VAC14: variants seen among roughly 807,000 people sequenced by gnomAD.
VAC14 encodes protein VAC14 homolog.
Under a neutral mutation model 85.3 loss-of-function variants are expected in VAC14, and 47 were observed. The ratio of observed to expected loss-of-function variants is 0.55; its 90% confidence interval spans 0.44 to 0.70. The LOEUF (loss-of-function observed/expected upper bound fraction) is 0.70, where lower values mean the gene tolerates loss of function less well. Among genes scored for constraint, VAC14 ranks in the 30% least tolerant of loss-of-function variants. VAC14 has a pLI of 0.00. For missense variants in VAC14, 861 were observed against 1,004.3 expected, an observed-to-expected ratio of 0.86 and a Z score of 1.93; for synonymous variants, 447 against 430.5, an observed-to-expected ratio of 1.04 and a Z score of -0.47.
chr16:70,764,340 C>T (rs376462903), intron 10 of VAC14, among the ~76,000 whole-genome samples: 3 of 152,294 alleles, frequency 2.0e-5, no homozygotes, highest in Non-Finnish European at 4.4e-5. Flanking sequence ...AGTCTCTGGG[C>T]GGGTGGCCAC....
At chr16:70,730,421 C>A (rs1028006073) in intron 14 of VAC14, among the ~76,000 whole-genome samples, 1 of 151,984 alleles carries the variant, frequency 6.6e-6, no homozygotes, top group Non-Finnish European at 1.5e-5. Context: ...GCTCCCCAGG[C>A]TCCTTCTTGC....
At position 70,762,098 on chromosome 16, in the gene VAC14, G is replaced by A. The variant is rs907643940; in HGVS notation, c.1371+442C>T. Among the ~76,000 whole-genome samples, 2 of 133,680 alleles carry A rather than the reference G, an allele frequency of 1.5e-5. No homozygotes were observed. Among genetic ancestry groups the A allele is most frequent in the African/African-American group, 3.7e-5 (1 of 26,790 alleles). The allele number at this position is 133,680 out of a possible 152,430, so 87.7% of individuals were successfully genotyped here. A position where few individuals can be genotyped will look rare whatever the true frequency, so the allele number is the denominator to read the frequency against. ...ACAGAAGAGTCCTCACTCCTAAAGT[G>A]AGTTTTTTTTTTTGTTTTTGTTTTT... On this transcript the variant is annotated intron_variant, in intron 12 of 18. Coordinates refer to ENST00000261776, the MANE Select transcript of VAC14 (RefSeq NM_018052.5). This position sits in a 1 kb window ranked among gnomAD's most constrained non-coding sequence, Gnocchi z 4.1.
At chr16:70,689,461 A>C in intron 18 of VAC14, 1 of 953,150 alleles carries the variant, frequency 1.0e-6, no homozygotes, top group Non-Finnish European at 1.2e-6. Flanking sequence ...CCAGAGCCTG[A>C]CAGTTGCTTC....
intron 1 of VAC14, among the ~76,000 whole-genome samples, chr16:70,792,050 C>A (rs1351104711): frequency 6.6e-6 from 1 of 152,172 alleles, no homozygotes; most frequent in Non-Finnish European, 1.5e-5. Context: ...TGGCTGCTGG[C>A]CGGGGAAAGG....
chr16:70,734,197 G>T (rs1477082056), intron 13 of VAC14, among the ~76,000 whole-genome samples: 2 of 151,936 alleles, frequency 1.3e-5, no homozygotes, highest in Admixed American at 6.6e-5. Context: ...GTAGTGCACT[G>T]AAGTGATTAC....
chr16:70,800,627 G>A (rs1274835828), intron 1 of VAC14, among the ~76,000 whole-genome samples, 170 bp downstream of exon 1: 3 of 152,242 alleles, frequency 2.0e-5, no homozygotes, highest in East Asian at 3.8e-4. Flanking sequence ...CCAGTCAGGA[G>A]TAAAGCAGGG....
At chr16:70,789,302 G>T (rs1271336764) in intron 1 of VAC14, among the ~76,000 whole-genome samples, 1 of 152,208 alleles carries the variant, frequency 6.6e-6, no homozygotes, top group African/African-American at 2.4e-5. Context: ...CTGTCACAAG[G>T]TCTGAAGGCA....
rs1438033198 is a variant in VAC14 at position 70,762,359 on chromosome 16, T to C, written c.1371+181A>G. ...CTGGCCTCAAGTGATCCACCCACCT[T>C]GGCCTCCCAGAGTGCTGGAAAAACA... On this transcript the variant is annotated intron_variant, in intron 12 of 18. Coordinates refer to ENST00000261776, the MANE Select transcript of VAC14 (RefSeq NM_018052.5). This position sits in a 1 kb window ranked among gnomAD's most constrained non-coding sequence, Gnocchi z 4.1. 6.6e-6 allele frequency among the ~76,000 whole-genome samples: 1 copy of C among 152,168 alleles called. No homozygotes were observed. The highest frequency in any genetic ancestry group is 2.4e-5 in the African/African-American group (1 of 41,446).
chr16:70,731,713 A>C, intron 13 of VAC14, 86 bp from the exon 14 acceptor site: 1 of 1,423,900 alleles, frequency 7.0e-7, no homozygotes, highest in South Asian at 1.5e-5. Flanking sequence ...AACAACTATA[A>C]ATGCCAAAAA....
intron 10 of VAC14, chr16:70,768,966 AT>A (rs60721142): frequency 0.15 from 32,526 of 213,498 alleles, 371 homozygotes; most frequent in South Asian, 0.24. Context: ...ACGCCTGGCT[AT>A]TTTTTTTTTT....
intron 10 of VAC14, chr16:70,766,331 G>T: frequency 2.7e-6 from 1 of 376,274 alleles, no homozygotes; most frequent in South Asian, 1.9e-5. Context: ...AGCCTGTGGG[G>T]CCTCTCCTGC....
At chr16:70,699,182 C>T in intron 14 of VAC14, 1 of 233,226 alleles carries the variant, frequency 4.3e-6, no homozygotes, top group East Asian at 9.2e-5. Context: ...CAGGCCAAGA[C>T]ACGCCTGTCC....
At position 70,687,978 on chromosome 16, in the gene VAC14, G is replaced by C. The variant is rs778163102; in HGVS notation, c.2299C>G (p.His767Asp). 1 of 1,597,016 alleles carries C rather than the reference G, an allele frequency of 6.3e-7. No individual in the cohort carries two copies. The highest frequency in any genetic ancestry group is 1.1e-5 in the South Asian group (1 of 89,224). The change falls in exon 19 of 19, where the codon CAC becomes GAC. Residue 767 changes from histidine to aspartate, a missense_variant. By Grantham distance (81) the His-to-Asp change is moderately conservative (BLOSUM62 -1). This residue lies in a region of VAC14 where 163 missense variants were observed against 162.2 expected (regional missense o/e 1.00). Coordinates refer to ENST00000261776, the MANE Select transcript of VAC14 (RefSeq NM_018052.5). ...TGGTCCCCACGCCCGCTCCGCTGGT[G>C]CCGCACTTCCAGGTGCTTGTTCTGG... is the stretch of plus-strand genomic sequence containing the variant. Reference protein sequence around the residue: ...KVQNKHLEVRHQRSGRGDHLD... With the variant: ...KVQNKHLEVRDQRSGRGDHLD...
intron 15 of VAC14, 62 bp from the exon 16 acceptor site, chr16:70,697,319 G>A (rs1020472746): frequency 2.3e-5 from 32 of 1,420,444 alleles, no homozygotes; most frequent in South Asian, 1.9e-4. Flanking sequence ...CCCGGTCCAC[G>A]TGGGGACCTG....
chr16:70,793,934 C>A (rs1167830264), intron 1 of VAC14, among the ~76,000 whole-genome samples: 2 of 152,144 alleles, frequency 1.3e-5, no homozygotes, highest in Non-Finnish European at 2.9e-5. Context: ...TAGGAATGAA[C>A]TGATTAGAAA....
At chr16:70,690,371 A>G in intron 18 of VAC14, 1 of 985,682 alleles carries the variant, frequency 1.0e-6, no homozygotes, top group Non-Finnish European at 1.2e-6. Flanking sequence ...CTGTAGGTCC[A>G]TAACCACCCT....
intron 18 of VAC14, chr16:70,688,367 T>C: frequency 9.0e-7 from 1 of 1,107,934 alleles, no homozygotes; most frequent in Non-Finnish European, 1.1e-6. Flanking sequence ...AGGCATCGCA[T>C]TGGGAAGCAT....
intron 18 of VAC14, chr16:70,691,691 C>T (rs978483763): frequency 2.7e-5 from 27 of 985,338 alleles, no homozygotes; most frequent in East Asian, 2.3e-4. Context: ...AGGCACGAGC[C>T]GGTCTTGGTT....
At chr16:70,761,262 A>C (rs1466312965) in intron 12 of VAC14, 1 of 444,176 alleles carries the variant, frequency 2.3e-6, no homozygotes, top group Non-Finnish European at 4.5e-6. Context: ...GGGACTGGTG[A>C]GCAATAGCCC....
Sources: allele counts gnomAD v4.1 joint callset (sites outside exome capture counted in the v4.1 genomes callset), GRCh38; gene constraint gnomAD v4.1.1; regional missense constraint gnomAD v4.1.1; non-coding constraint Gnocchi (gnomAD v3.1); transcripts MANE v1.5; gene names NCBI Gene and HGNC (gene_info 2026-07-23, HGNC 2026-07-21).